Variants in TMEM101 observed in about 807,000 individuals in gnomAD.
TMEM101 encodes transmembrane protein 101, also known as putative NF-kappa-B-activating protein 130.
In TMEM101, 14 loss-of-function variants were observed where a neutral mutation model predicts 26.0. That is an observed-to-expected ratio of 0.54 (90% CI 0.36 to 0.84). TMEM101 has a LOEUF of 0.84. Among genes scored for constraint, TMEM101 ranks in the 40% least tolerant of loss-of-function variants. The pLI is 0.01. For missense variants in TMEM101, 292 were observed against 345.1 expected, an observed-to-expected ratio of 0.85 and a Z score of 1.22; for synonymous variants, 152 against 145.1, an observed-to-expected ratio of 1.05 and a Z score of -0.34.
In TMEM101 at chr17:44,014,428, C is replaced by A; in HGVS notation, c.247G>T (p.Ala83Ser). The A allele has an allele frequency of 1.3e-6, 2 of 1,556,860 alleles. No homozygotes were observed. Among genetic ancestry groups the A allele is most frequent in the African/African-American group, 1.4e-5 (1 of 73,634 alleles). Residue 83 changes from alanine to serine, a missense_variant, in exon 2 of 4, where the codon GCA (alanine) becomes TCA (serine). Physicochemically the swap from Ala to Ser is moderately conservative, Grantham distance 99. This residue lies in a region of TMEM101 where 143 missense variants were observed against 133.2 expected (regional missense o/e 1.07). Transcript: ENST00000206380. The part of the protein sequence containing the change: ...VKRRWFALGA[A>S]LQLAISTYAA... ...TAGGTGCTAATGGCCAATTGGAGTG[C>A]GGCCCCCAGCGCGAACCAGCGCCGC...
At position 44,013,407 on chromosome 17, in the gene TMEM101, C is replaced by T. The variant is rs2049187273; in HGVS notation, c.319-252G>A. 5.3e-5 allele frequency among the ~76,000 whole-genome samples: 8 copies of T among 152,164 alleles called. No individual in the cohort carries two copies. In the South Asian group the frequency reaches 1.7e-3, roughly 32 times the overall value. On this transcript the variant is annotated intron_variant, in intron 2 of 3. Coordinates refer to ENST00000206380, the MANE Select transcript of TMEM101 (RefSeq NM_032376.4). ...AGGCGCAGTGGCTCACGCCTGTAAT[C>T]CCAGCACTTTGGGAGGCCGAGGCAG...
intron 2 of TMEM101, 68 bp from the exon 3 acceptor site, chr17:44,013,223 GTAGA>G: frequency 7.1e-7 from 1 of 1,398,744 alleles, no homozygotes; most frequent in Non-Finnish European, 9.4e-7. Context: ...TTCCCAGAGT[GTAGA>G]ACCACCCCTC....
chr17:44,022,696 C>T (rs1343163404), intron 1 of TMEM101, among the ~76,000 whole-genome samples: 3 of 152,148 alleles, frequency 2.0e-5, no homozygotes, highest in African/African-American at 7.3e-5. Flanking sequence ...TTCCCTTGGA[C>T]CACTCAATGG....
chr17:44,018,684 G>T (rs998003866), upstream of TMEM101, among the ~76,000 whole-genome samples: 7 of 152,160 alleles, frequency 4.6e-5, no homozygotes, highest in Admixed American at 3.9e-4. Flanking sequence ...TGCCTGGGTT[G>T]TCCCTATAGG....
At chr17:44,012,408 GC>G (rs2049173050) in intron 3 of TMEM101, 172 bp from the exon 4 acceptor site, 3 of 633,814 alleles carry the variant, frequency 4.7e-6, no homozygotes, top group Admixed American at 6.0e-5. Flanking sequence ...GGACTATGGA[GC>G]CCCAGGAGAT....
chr17:44,017,593 C>CA (rs1242207636), upstream of TMEM101, among the ~76,000 whole-genome samples: 7,816 of 74,594 alleles, frequency 0.1, 460 homozygotes, highest in African/African-American at 0.18. Context: ...GACAACATCT[C>CA]AAAAAAAAAA....
chr17:44,015,194 G>A (rs1327608570), upstream of TMEM101: 2 of 449,680 alleles, frequency 4.4e-6, no homozygotes, highest in African/African-American at 4.0e-5. Context: ...AGGAACAGTG[G>A]GTTCAGGATA....
chr17:44,014,681 T>C (rs777822812), intron 1 of TMEM101, 135 bp downstream of exon 1: 5 of 1,502,414 alleles, frequency 3.3e-6, no homozygotes, highest in Non-Finnish European at 3.6e-6. Flanking sequence ...CCAGATTTGG[T>C]CCGACACCCA....
chr17:44,023,213 A>C, upstream of TMEM101: 1 of 158,848 alleles, frequency 6.3e-6, no homozygotes, highest in Non-Finnish European at 1.4e-5. Flanking sequence ...GCCCTTCGTG[A>C]CTGGGCTCAA....
upstream of TMEM101, among the ~76,000 whole-genome samples, chr17:44,019,915 G>A (rs2049271041): frequency 6.6e-6 from 1 of 152,142 alleles, no homozygotes; most frequent in Non-Finnish European, 1.5e-5. Flanking sequence ...GCAGTAAGGG[G>A]CAAACCTTTC....
chr17:44,014,523 G>A lies in TMEM101; in HGVS notation c.152C>T (p.Pro51Leu). Residue 51 changes from proline to leucine, a missense_variant, in exon 2 of 4, where the codon CCA becomes CTA. Pro to Leu is a moderately conservative substitution (Grantham distance 98). Around this residue, in one of 2 missense-constraint regions of TMEM101, gnomAD observed 143 missense variants for 133.2 expected, o/e 1.07. Transcript: ENST00000206380. The stretch of plus-strand genomic sequence containing the variant: ...CATGTCGAAATACAGGTAAGGCACT[G>A]GGATGTCGGGCTTCCTGCGAGCCGG... ...RAEARRKPDI[P>L]VPYLYFDMGA... 1 of 1,569,710 alleles carries A rather than the reference G, an allele frequency of 6.4e-7. No individual in the cohort carries two copies. Among genetic ancestry groups the A allele is most frequent in the Non-Finnish European group, 8.7e-7 (1 of 1,155,848 alleles).
chr17:44,013,653 T>A (rs893299937), intron 2 of TMEM101, among the ~76,000 whole-genome samples: 8 of 152,146 alleles, frequency 5.3e-5, no homozygotes, highest in African/African-American at 1.9e-4. Context: ...AGAGAGACTC[T>A]GTTTCAAAAA....
At chr17:44,022,778 C>T (rs1289662942) in intron 1 of TMEM101, among the ~76,000 whole-genome samples, 1 of 152,166 alleles carries the variant, frequency 6.6e-6, no homozygotes, top group African/African-American at 2.4e-5. Context: ...CTGGTCCTTG[C>T]AGCCGAAAAA....
Position 44,014,880 on chromosome 17 carries a change from G to A in TMEM101, c.73C>T (p.Arg25Cys), listed in dbSNP as rs569538639. 6.2e-7 allele frequency: 1 copy of A among 1,614,070 alleles called. No homozygotes were observed. Residue 25 changes from arginine (R) to cysteine (C), a missense_variant, in exon 1 of 4, where the codon CGC (arginine) becomes TGC (cysteine). Around this residue, in one of 2 missense-constraint regions of TMEM101, gnomAD observed 143 missense variants for 133.2 expected, o/e 1.07. Coordinates refer to ENST00000206380, the MANE Select transcript of TMEM101 (RefSeq NM_032376.4). ...CTGAAGCAGCCCCAAAAGGGGCAGC[G>A]TGTGAGCAGCACCGAACCCAACTGC... ...IMQLGSVLLT[R>C]CPFWGCFSQL... is the part of the protein sequence containing the mutation.
At chr17:44,012,469 CCA>C in intron 3 of TMEM101, 1 of 555,084 alleles carries the variant, frequency 1.8e-6, no homozygotes, top group Non-Finnish European at 3.2e-6. Context: ...AAGTGTATTT[CCA>C]CAGTCAGACT....
chr17:44,020,354 A>G (rs2049274500), intron 2 of TMEM101, among the ~76,000 whole-genome samples: 1 of 152,216 alleles, frequency 6.6e-6, no homozygotes, highest in Non-Finnish European at 1.5e-5. Flanking sequence ...TTGAAGTAAC[A>G]AAGGTGCTGT....
At chr17:44,017,288 A>T (rs1355189323), upstream of TMEM101, among the ~76,000 whole-genome samples, 1 of 150,522 alleles carries the variant, frequency 6.6e-6, no homozygotes, top group Non-Finnish European at 1.5e-5. Flanking sequence ...CATGGTGAAA[A>T]CCCATCTCTA....
At chr17:44,016,175 C>CT (rs911558922), upstream of TMEM101, among the ~76,000 whole-genome samples, 34 of 151,056 alleles carry the variant, frequency 2.3e-4, no homozygotes, top group Admixed American at 5.3e-4. Flanking sequence ...CATATATATG[C>CT]TTTTTTTTTA....
At chr17:44,018,039 C>T (rs1013671682), upstream of TMEM101, among the ~76,000 whole-genome samples, 19 of 151,990 alleles carry the variant, frequency 1.3e-4, 1 homozygote, top group South Asian at 4.1e-4. Context: ...GCAGAAGGAT[C>T]GCTTGAACCT....
Sources: allele counts gnomAD v4.1 joint callset (sites outside exome capture counted in the v4.1 genomes callset), GRCh38; gene constraint gnomAD v4.1.1; regional missense constraint gnomAD v4.1.1; transcripts MANE v1.5; gene names NCBI Gene and HGNC (gene_info 2026-07-23, HGNC 2026-07-21).